Variants in BRINP3 observed in about 807,000 individuals in gnomAD.
The protein encoded by BRINP3 is BMP/retinoic acid-inducible neural-specific protein 3.
A neutral mutation model predicts 71.0 loss-of-function variants in BRINP3; 19 were observed. That is an observed-to-expected ratio of 0.27 (90% CI 0.19 to 0.39). The LOEUF (loss-of-function observed/expected upper bound fraction) is 0.39, where lower values mean the gene tolerates loss of function less well. Among genes scored for constraint, BRINP3 ranks in the 10% least tolerant of loss-of-function variants. The probability of loss-of-function intolerance (pLI) is 1.00; values close to 1 mark genes in which losing one functional copy is unlikely to be tolerated. For missense variants in BRINP3, 959 were observed against 940.8 expected (o/e 1.02, Z -0.25); for synonymous variants, 380 against 337.7 (o/e 1.13, Z -1.37).
chr1:190,199,527 C>T (rs1210963377), intron 6 of BRINP3, among the ~76,000 whole-genome samples: 2 of 151,982 alleles, frequency 1.3e-5, no homozygotes, highest in Non-Finnish European at 2.9e-5. Context: ...ATACCCAAAC[C>T]AGAGCAATAA....
intron 7 of BRINP3, among the ~76,000 whole-genome samples, chr1:190,135,257 A>T (rs1357267465): frequency 4.6e-5 from 7 of 152,126 alleles, no homozygotes; most frequent in African/African-American, 1.7e-4. Context: ...TTTTTAAATA[A>T]TAAGATTTTA....
At chr1:190,256,061 C>G (rs570385145) in intron 4 of BRINP3, among the ~76,000 whole-genome samples, 191 of 152,222 alleles carry the variant, frequency 1.3e-3, no homozygotes, top group African/African-American at 4.4e-3. Flanking sequence ...GTTCAGTTTC[C>G]ATGTAGTTGT....
chr1:190,375,559 C>A (rs1571894700), intron 2 of BRINP3, among the ~76,000 whole-genome samples: 3 of 151,826 alleles, frequency 2.0e-5, no homozygotes, highest in Admixed American at 2.0e-4. Flanking sequence ...ATAAAAATCT[C>A]TATATTTTAA....
chr1:190,115,033 A>G (rs926097088), intron 7 of BRINP3, among the ~76,000 whole-genome samples: 3 of 151,788 alleles, frequency 2.0e-5, no homozygotes, highest in Admixed American at 2.0e-4. Context: ...TGTTGCATTT[A>G]TTTTTCATTT....
intron 2 of BRINP3, among the ~76,000 whole-genome samples, chr1:190,302,244 T>C (rs1664789053): frequency 6.8e-6 from 1 of 147,692 alleles, no homozygotes; most frequent in Non-Finnish European, 1.5e-5. Flanking sequence ...TATATATACA[T>C]AAATTTATAT....
At chr1:190,320,371 A>G (rs1351446610) in intron 2 of BRINP3, among the ~76,000 whole-genome samples, 1 of 152,144 alleles carries the variant, frequency 6.6e-6, no homozygotes, top group Non-Finnish European at 1.5e-5. Context: ...CACAATGAAC[A>G]TTGTTAGGAG....
At chr1:190,301,233 A>ATATG (rs1293783521) in intron 2 of BRINP3, among the ~76,000 whole-genome samples, 2 of 135,424 alleles carry the variant, frequency 1.5e-5, no homozygotes, top group Admixed American at 1.5e-4. Context: ...ATATATATAT[A>ATATG]TACACACATA....
intron 4 of BRINP3, among the ~76,000 whole-genome samples, chr1:190,241,590 C>G (rs950121781): frequency 6.6e-6 from 1 of 151,876 alleles, no homozygotes; most frequent in African/African-American, 2.4e-5. Flanking sequence ...AAAAATATTG[C>G]TATGAATGTA....
At chr1:190,423,450 T>C (rs545156197) in intron 2 of BRINP3, among the ~76,000 whole-genome samples, 2 of 151,950 alleles carry the variant, frequency 1.3e-5, no homozygotes, top group South Asian at 2.1e-4. Flanking sequence ...ATAAACATTA[T>C]AAATATTTAA....
chr1:190,174,529 G>T (rs775325767), intron 6 of BRINP3, among the ~76,000 whole-genome samples: 1 of 151,780 alleles, frequency 6.6e-6, no homozygotes, highest in East Asian at 1.9e-4. Flanking sequence ...ATGTATAAAC[G>T]GCAAAACTCG....
At chr1:190,157,739 A>G (rs542554136) in intron 7 of BRINP3, among the ~76,000 whole-genome samples, 28 of 152,176 alleles carry the variant, frequency 1.8e-4, no homozygotes, top group African/African-American at 6.7e-4. Context: ...TAAATATCTT[A>G]TTTGTGGAGG....
chr1:190,206,139 G>A (rs1235502598), intron 6 of BRINP3, among the ~76,000 whole-genome samples: 3 of 151,882 alleles, frequency 2.0e-5, no homozygotes, highest in Non-Finnish European at 4.4e-5. Context: ...GTTAACTTGG[G>A]GTTCACTGCT....
chr1:190,424,511 T>C (rs1043990721), intron 2 of BRINP3, among the ~76,000 whole-genome samples: 9 of 151,748 alleles, frequency 5.9e-5, no homozygotes, highest in African/African-American at 2.2e-4. Context: ...GGTTTATACA[T>C]TCCTTTAATT....
chr1:190,180,965 TGTGTATAGTTATATACCA>T (rs1652980086), intron 6 of BRINP3, among the ~76,000 whole-genome samples: 1 of 152,082 alleles, frequency 6.6e-6, no homozygotes, highest in South Asian at 2.1e-4. Context: ...GCATAATTTA[TGTGTATAGTTATATACCA>T]GTCAAGATCA....
chr1:190,229,139 A>G (rs561998279), intron 5 of BRINP3, among the ~76,000 whole-genome samples: 1 of 152,152 alleles, frequency 6.6e-6, no homozygotes, highest in East Asian at 1.9e-4. Flanking sequence ...CTACAGGCAG[A>G]GTGAGCCCAA....
intron 6 of BRINP3, among the ~76,000 whole-genome samples, chr1:190,169,355 G>C (rs182598328): frequency 6.6e-6 from 1 of 152,230 alleles, no homozygotes; most frequent in Admixed American, 6.5e-5. Flanking sequence ...GATCTGTATT[G>C]GTGTGGCAGA....
intron 2 of BRINP3, among the ~76,000 whole-genome samples, chr1:190,361,892 AT>A (rs756747221): frequency 5.9e-5 from 9 of 152,118 alleles, no homozygotes; most frequent in Non-Finnish European, 1.0e-4. Flanking sequence ...CAAAATTCGT[AT>A]GTTGAAGGTG....
chr1:190,146,116 G>A (rs748023124), intron 7 of BRINP3, among the ~76,000 whole-genome samples: 2 of 152,080 alleles, frequency 1.3e-5, no homozygotes, highest in Admixed American at 6.6e-5. Flanking sequence ...CACTGCTCAG[G>A]TGATGAGTGC....
intron 4 of BRINP3, 91 bp from the exon 5 acceptor site, chr1:190,234,568 T>G: frequency 1.1e-6 from 1 of 891,918 alleles, no homozygotes. Flanking sequence ...ATATTATACG[T>G]TTGACAGTAA....
Sources: allele counts gnomAD v4.1 joint callset (sites outside exome capture counted in the v4.1 genomes callset), GRCh38; gene constraint gnomAD v4.1.1; transcripts MANE v1.5; gene names NCBI Gene and HGNC (gene_info 2026-07-23, HGNC 2026-07-21).